ZNF208: variants seen among roughly 807,000 people sequenced by gnomAD.
ZNF208 encodes zinc finger protein 208.
Under a neutral mutation model 12.1 loss-of-function variants are expected in ZNF208, and 10 were observed. The ratio of observed to expected loss-of-function variants is 0.83; its 90% CI spans 0.51 to 1.40. The LOEUF (loss-of-function observed/expected upper bound fraction) is 1.40. ZNF208 is among the 40% of genes most tolerant of loss of function. ZNF208 has a pLI of 0.00. For missense variants in ZNF208, 1,652 were observed against 1,485.0 expected (o/e 1.11, Z -1.85); for synonymous variants, 497 against 488.4 (o/e 1.02, Z -0.23).
Position 21,968,791 on chromosome 19 carries a change from G to A in ZNF208, c.*2400C>T, listed in dbSNP as rs570121996. On this transcript the variant is annotated 3_prime_UTR_variant, in exon 4 of 4. Coordinates refer to ENST00000397126, the MANE Select transcript of ZNF208 (RefSeq NM_007153.3). ...ACTCTTTGCAATGTGGTAAAACTTCGCTGTGATTTCATATGATCCAGGGCT... is the reference window on the plus strand; with the variant it reads ...ACTCTTTGCAATGTGGTAAAACTTCACTGTGATTTCATATGATCCAGGGCT... Among the ~76,000 whole-genome samples, 12 of 152,040 alleles carry A rather than the reference G, an allele frequency of 7.9e-5. No homozygotes were observed. The highest frequency in any genetic ancestry group is 3.9e-4 in the East Asian group (2 of 5,158).
chr19:21,971,353 AC>A lies in ZNF208; in HGVS notation c.3680del (p.Cys1227LeufsTer19), dbSNP rs1231532056. ...TACTAAAGGCTTTGCCACATTCTTC[AC>A]ATTTGTAGGGTTTCTCTCCAGTATG... Reference protein sequence around the residue: ...KIHTGEKPYKCEECGKAFSTF... With the variant: ...KIHTGEKPYKXEECGKAFSTF... On this transcript the variant is annotated frameshift_variant, in exon 4 of 4. Transcript: ENST00000397126. LOFTEE classifies it low-confidence loss of function (END_TRUNC). 1 of 1,611,182 alleles carries A rather than the reference AC, an allele frequency of 6.2e-7. No homozygotes were observed. The highest frequency in any genetic ancestry group is 1.7e-5 in the Admixed American group (1 of 59,854).
chr19:22,004,540 C>A (rs868261835), intron 1 of ZNF208, among the ~76,000 whole-genome samples: 5 of 152,048 alleles, frequency 3.3e-5, no homozygotes, highest in African/African-American at 1.2e-4. Context: ...AAATATGGTA[C>A]ATAAACACCA....
Position 21,967,006 on chromosome 19 carries a change from C to T in ZNF208, c.*4185G>A, listed in dbSNP as rs1019424433. 6.6e-6 allele frequency: 1 copy of T among 152,108 alleles called. No homozygotes were observed. The highest frequency in any genetic ancestry group is 2.4e-5 in the African/African-American group (1 of 41,444). The allele number at this position is 152,108 out of a possible 1,614,324, so 9.4% of individuals were successfully genotyped here. On this transcript the variant is annotated 3_prime_UTR_variant, in exon 4 of 4. Coordinates refer to ENST00000397126, the MANE Select transcript of ZNF208 (RefSeq NM_007153.3). ...TCTGCAGTTTGCAAATATTTTATTT[C>T]ATACTGTAGGTCATCTGTTTACTTT... is the stretch of plus-strand genomic sequence containing the variant.
At chr19:21,990,223 A>T (rs79251747) in intron 1 of ZNF208, among the ~76,000 whole-genome samples, 14 of 151,892 alleles carry the variant, frequency 9.2e-5, no homozygotes, top group African/African-American at 1.2e-4. Context: ...TTAGGTCTAA[A>T]GTTTAAGTCT....
At chr19:21,965,782 T>C (rs938852012), downstream of ZNF208, 2 of 151,184 alleles carry the variant, frequency 1.3e-5, no homozygotes, top group African/African-American at 4.9e-5. Flanking sequence ...TCTCACCCAT[T>C]CACAAATAGT....
At position 21,973,284 on chromosome 19, in the gene ZNF208, C is replaced by T. The variant is rs375628317; in HGVS notation, c.1750G>A (p.Glu584Lys). 5.2e-4 allele frequency: 838 copies of T among 1,611,204 alleles called. No individual in the cohort carries two copies. Among genetic ancestry groups the T allele is most frequent in the Non-Finnish European group, 6.7e-4 (794 of 1,178,718 alleles). ...TGGTTAAAAGCTTTGCCACATTCTT[C>T]ACATTTGTAGGGTTTCTCTACAGTA... Reference protein sequence around the residue: ...IHTVEKPYKCEECGKAFNQSA... With the variant: ...IHTVEKPYKCKECGKAFNQSA... The change falls in exon 4 of 4, where the codon GAA (glutamate) becomes AAA (lysine). Residue 584 changes from glutamate to lysine, a missense_variant. Glu to Lys is a moderately conservative substitution (Grantham distance 56). Transcript: ENST00000397126.
intron 4 of ZNF208, chr19:21,939,864 A>T (rs926247966): frequency 6.6e-6 from 1 of 152,362 alleles, no homozygotes; most frequent in Admixed American, 6.5e-5. Context: ...TTCAGCCAAC[A>T]GGTTAAAATG....
At chr19:21,975,201 T>C (rs548668352) in intron 3 of ZNF208, among the ~76,000 whole-genome samples, 2 of 152,278 alleles carry the variant, frequency 1.3e-5, no homozygotes, top group African/African-American at 4.8e-5. Context: ...AAGTAAAATA[T>C]TGGCACAAAA....
intron 3 of ZNF208, among the ~76,000 whole-genome samples, chr19:21,978,213 T>C (rs1032312333): frequency 2.3e-4 from 35 of 152,190 alleles, no homozygotes; most frequent in African/African-American, 8.2e-4. Context: ...AGCTCAGCAT[T>C]TGAGCTCTGC....
chr19:21,992,566 A>G (rs1213987134), intron 1 of ZNF208, among the ~76,000 whole-genome samples: 1 of 152,200 alleles, frequency 6.6e-6, no homozygotes, highest in Admixed American at 6.5e-5. Context: ...CACAGATGAA[A>G]CCACAACATT....
At chr19:21,995,842 TGAA>T (rs1250240241) in intron 1 of ZNF208, among the ~76,000 whole-genome samples, 1 of 152,170 alleles carries the variant, frequency 6.6e-6, no homozygotes, top group Non-Finnish European at 1.5e-5. Flanking sequence ...GGCAGGTTAA[TGAA>T]GAAGATGTGA....
At chr19:22,008,995 T>C (rs575114704) in intron 1 of ZNF208, among the ~76,000 whole-genome samples, 15 of 152,224 alleles carry the variant, frequency 9.9e-5, no homozygotes, top group South Asian at 4.2e-4. Flanking sequence ...GTACTGAATC[T>C]CAGGTCCAAG....
In ZNF208 at chr19:21,973,248, G is replaced by A; in HGVS notation, c.1786C>T (p.Leu596Phe). The change falls in exon 4 of 4, where the codon CTT (leucine) becomes TTT (phenylalanine). Residue 596 changes from leucine (L) to phenylalanine (F), a missense_variant. By Grantham distance (22) the Leu-to-Phe change is conservative (BLOSUM62 0). Around this residue, in one of 3 missense-constraint regions of ZNF208, gnomAD observed 1,239 missense variants for 1,086.2 expected, o/e 1.14. Transcript: ENST00000397126. ...GTATGAATTCTCTTATGTTTAATAA[G>A]AATTGCAGATTGGTTAAAAGCTTTG... The part of the protein sequence containing the change: ...CGKAFNQSAI[L>F]IKHKRIHTGE... The A allele has an allele frequency of 6.2e-7, 1 of 1,613,140 alleles. No homozygotes were observed. Among genetic ancestry groups the A allele is most frequent in the Non-Finnish European group, 8.5e-7 (1 of 1,179,736 alleles).
chr19:21,989,221 A>T (rs1444382570), intron 1 of ZNF208, among the ~76,000 whole-genome samples: 2 of 144,470 alleles, frequency 1.4e-5, no homozygotes, highest in East Asian at 4.4e-4. Context: ...ATATCTCCTA[A>T]TGCTATCCCT....
chr19:21,980,298 A>ATTCTAAAAT (rs1970513067), intron 3 of ZNF208, among the ~76,000 whole-genome samples: 1 of 26,884 alleles, frequency 3.7e-5, no homozygotes, highest in South Asian at 5.1e-4. Flanking sequence ...CATCACTCTT[A>ATTCTAAAAT]AATTGACAAC....
chr19:21,984,167 T>C (rs1365768669), intron 3 of ZNF208, among the ~76,000 whole-genome samples: 1 of 152,094 alleles, frequency 6.6e-6, no homozygotes, highest in Non-Finnish European at 1.5e-5. Context: ...AAAAAAGAAG[T>C]CTTACCAAGT....
rs573181053 is a variant in ZNF208, at chr19:21,971,095, T to C, written c.*96A>G. ...AGGACCAGTTGAAAGCCTCACCACA[T>C]TCTTCACATTTGTAGGGTTTCTCTC... is the stretch of plus-strand genomic sequence containing the variant. On this transcript the variant is annotated 3_prime_UTR_variant, in exon 4 of 4. Transcript: ENST00000397126. 6.2e-7 allele frequency: 1 copy of C among 1,613,434 alleles called. No homozygotes were observed. The highest frequency in any genetic ancestry group is 2.2e-5 in the East Asian group (1 of 44,860).
intron 2 of ZNF208, 132 bp downstream of exon 2, chr19:21,988,651 C>G: frequency 2.6e-6 from 4 of 1,566,004 alleles, no homozygotes; most frequent in Non-Finnish European, 3.5e-6. Flanking sequence ...CCCCTGACCC[C>G]TTCTTCCAAA....
intron 1 of ZNF208, among the ~76,000 whole-genome samples, chr19:21,993,253 C>A (rs1312838307): frequency 6.6e-6 from 1 of 152,128 alleles, no homozygotes; most frequent in Non-Finnish European, 1.5e-5. Flanking sequence ...GAAATATGGG[C>A]CACGCTGTAC....
Sources: gnomAD v4.1 joint callset for allele counts (sites outside exome capture counted in the v4.1 genomes callset) on GRCh38, gnomAD v4.1.1 for gene constraint, gnomAD v4.1.1 regional missense constraint, MANE v1.5 for transcripts, NCBI Gene and HGNC (gene_info 2026-07-23, HGNC 2026-07-21) for gene names.